The following TRIM37 variants were observed in gnomAD, a reference collection of about 807,000 sequenced individuals.
The protein encoded by TRIM37 is tripartite motif containing 37, also known as E3 ubiquitin-protein ligase TRIM37.
In TRIM37, 80 loss-of-function variants were observed where a neutral mutation model predicts 129.8. The ratio of observed to expected loss-of-function variants is 0.62; its 90% CI spans 0.51 to 0.74. The LOEUF is 0.74. Ranked by LOEUF, TRIM37 falls within the 30% of genes least tolerant of loss-of-function variation. The pLI is 0.00. For synonymous variants in TRIM37, 389 were observed against 387.1 expected (o/e 1.00, Z -0.06); for missense variants, 1,054 against 1,176.5 (o/e 0.90, Z 1.52).
intron 11 of TRIM37, among the ~76,000 whole-genome samples, chr17:59,062,218 A>G (rs1255918348): frequency 6.6e-6 from 1 of 152,222 alleles, no homozygotes; most frequent in Non-Finnish European, 1.5e-5. Context: ...CTTTTCCTAA[A>G]GAAAATGGAA....
In TRIM37 at chr17:58,982,990, T is replaced by TAA. The variant is rs935848969; in HGVS notation, c.2892-71_2892-70dup. On this transcript the variant is annotated intron_variant, in intron 24 of 24. Coordinates refer to the TRIM37 transcript ENST00000393066. Reference sequence around the variant, plus strand: ...TTATAGTCCAAAGTGCTTAGCGAAGTAAAAAAAAAAGCTTTTTAAAATTTC... The same window carrying TAA: ...TTATAGTCCAAAGTGCTTAGCGAAGTAAAAAAAAAAAAGCTTTTTAAAATTTC... 29 of 1,259,658 alleles carry TAA rather than the reference T, an allele frequency of 2.3e-5. No homozygotes were observed. In the East Asian group the frequency reaches 4.3e-4, roughly 19 times the overall value. 78.0% of individuals were successfully genotyped at this position (1,259,658 alleles called of 1,614,324 possible).
downstream of TRIM37, chr17:58,981,250 C>A: frequency 2.0e-6 from 1 of 506,472 alleles, no homozygotes; most frequent in Non-Finnish European, 3.5e-6. Context: ...CAGCTGGTCC[C>A]TGTGATGTGT....
Position 59,047,659 on chromosome 17 carries a change from A to G in TRIM37, c.1667+24T>C, listed in dbSNP as rs774844426. 3 of 1,606,874 alleles carry G rather than the reference A, an allele frequency of 1.9e-6. No individual in the cohort carries two copies. In the African/African-American group the frequency reaches 4.0e-5, roughly 21 times the overall value. On this transcript the variant is annotated intron_variant, in intron 16 of 23. Transcript: ENST00000262294. ...CTAATAATTACCACTTAAATGCTTTACAGTAGTAAAGTGGGAAACTCACAT... is the reference window on the plus strand; with the variant it reads ...CTAATAATTACCACTTAAATGCTTTGCAGTAGTAAAGTGGGAAACTCACAT...
intron 2 of TRIM37, among the ~76,000 whole-genome samples, chr17:59,099,451 T>C (rs2045247149): frequency 6.6e-6 from 1 of 152,028 alleles, no homozygotes; most frequent in Admixed American, 6.6e-5. Context: ...ATTTTGGAAA[T>C]AGTGATATGG....
At chr17:59,051,440 A>C (rs2040336382) in intron 13 of TRIM37, 112 bp from the exon 14 acceptor site, 3 of 741,542 alleles carry the variant, frequency 4.0e-6, no homozygotes. Flanking sequence ...AAATTCACAT[A>C]AACTTAGAGC....
At chr17:59,034,861 C>G (rs1480782543) in intron 17 of TRIM37, among the ~76,000 whole-genome samples, 1 of 152,074 alleles carries the variant, frequency 6.6e-6, no homozygotes, top group East Asian at 1.9e-4. Context: ...CCTATGCCTC[C>G]TAAAATTGCT....
chr17:59,020,230 CAAAAAAAAAAAAAAAA>C (rs58159558), intron 19 of TRIM37, among the ~76,000 whole-genome samples: 9 of 32,044 alleles, frequency 2.8e-4, no homozygotes, highest in South Asian at 4.9e-3. Context: ...GACTCTGTCT[CAAAAAAAAAAAAAAAA>C]AAAAAAAAAA....
At chr17:59,050,434 T>C (rs2040225055) in intron 14 of TRIM37, among the ~76,000 whole-genome samples, 1 of 152,216 alleles carries the variant, frequency 6.6e-6, no homozygotes, top group Non-Finnish European at 1.5e-5. Context: ...GGCTCACACC[T>C]GTAATCCCAG....
rs373784701 is a variant in TRIM37, at chr17:59,069,271, C to T, written c.809+1552G>A. 7.9e-5 allele frequency among the ~76,000 whole-genome samples: 12 copies of T among 151,606 alleles called. No individual in the cohort carries two copies. In the East Asian group the frequency reaches 9.7e-4, roughly 12 times the overall value. On this transcript the variant is annotated intron_variant, in intron 9 of 23. Coordinates refer to ENST00000262294, the MANE Select transcript of TRIM37 (RefSeq NM_015294.6). ...CTGAGGTGTGAGAATTGCTTGAATC[C>T]GGGAGGTGGAGGTTGCAGTGAGCCG...
chr17:59,052,771 A>G (rs2146236405), intron 13 of TRIM37, among the ~76,000 whole-genome samples: 1 of 152,252 alleles, frequency 6.6e-6, no homozygotes, highest in Non-Finnish European at 1.5e-5. Flanking sequence ...CGTGGCCAAC[A>G]TGGTGAAACC....
At chr17:59,044,137 T>C (rs920902014) in intron 16 of TRIM37, among the ~76,000 whole-genome samples, 8 of 152,074 alleles carry the variant, frequency 5.3e-5, no homozygotes, top group Non-Finnish European at 1.2e-4. Flanking sequence ...TGAGACCCTG[T>C]CTCTACAAAA....
Position 59,017,387 on chromosome 17 carries a change from T to A in TRIM37, c.2295A>T (p.Arg765=). 1 of 1,614,106 alleles carries A rather than the reference T, an allele frequency of 6.2e-7. No homozygotes were observed. Among genetic ancestry groups the A allele is most frequent in the South Asian group, 1.1e-5 (1 of 91,088 alleles). The change falls in exon 20 of 24, where the codon CGA becomes CGT. Residue 765 remains arginine, a synonymous_variant. Coordinates refer to ENST00000262294, the MANE Select transcript of TRIM37 (RefSeq NM_015294.6). ...NKKSNSPKPA[R]SSVAGSLSLR... ...GTGATAGACTACCTGCTACACTGGA[T>A]CGAGCTGGCTTGGGCGAATTACTCT...
chr17:59,091,485 TATA>T (rs2044312837), intron 2 of TRIM37, 145 bp from the exon 3 acceptor site: 1 of 147,510 alleles, frequency 6.8e-6, no homozygotes, highest in Admixed American at 9.5e-5. Flanking sequence ...ATATATAATA[TATA>T]ATATATTATT....
chr17:59,010,491 A>G (rs574658252), intron 22 of TRIM37, among the ~76,000 whole-genome samples: 24 of 152,238 alleles, frequency 1.6e-4, no homozygotes, highest in African/African-American at 5.8e-4. Context: ...GAAAAAAATG[A>G]GCTTGTTATT....
chr17:59,007,805 A>C (rs1374145076), intron 22 of TRIM37, among the ~76,000 whole-genome samples: 2 of 152,222 alleles, frequency 1.3e-5, no homozygotes, highest in Non-Finnish European at 2.9e-5. Context: ...AGCAATTAAG[A>C]GACACTTTAG....
chr17:59,105,066 T>C (rs1190908699), intron 1 of TRIM37, among the ~76,000 whole-genome samples: 1 of 135,530 alleles, frequency 7.4e-6, no homozygotes, highest in Non-Finnish European at 1.5e-5. Flanking sequence ...CACTCTAGCC[T>C]GGGTGACAGA....
the TRIM37 span, among the ~76,000 whole-genome samples, chr17:58,967,236 A>G: frequency 6.6e-6 from 1 of 152,214 alleles, no homozygotes; most frequent in Non-Finnish European, 1.5e-5. Flanking sequence ...TATTATAAGA[A>G]AATAGAAATG....
chr17:59,075,466 A>T (rs1335759592), intron 8 of TRIM37, among the ~76,000 whole-genome samples, 181 bp downstream of exon 8: 2 of 147,058 alleles, frequency 1.4e-5, no homozygotes, highest in Non-Finnish European at 3.0e-5. Flanking sequence ...CAGGAGGCTG[A>T]GGCAGGAGAA....
At chr17:58,968,538 A>T in the TRIM37 span, among the ~76,000 whole-genome samples, 1 of 152,182 alleles carries the variant, frequency 6.6e-6, no homozygotes, top group Non-Finnish European at 1.5e-5. Context: ...AGATGAGAAA[A>T]CTACATGATT....
Sources: gnomAD v4.1 joint callset for allele counts (sites outside exome capture counted in the v4.1 genomes callset) on GRCh38, gnomAD v4.1.1 for gene constraint, MANE v1.5 for transcripts, NCBI Gene and HGNC (gene_info 2026-07-23, HGNC 2026-07-21) for gene names.